FHIT: variants seen among roughly 807,000 people sequenced by gnomAD.
FHIT encodes the protein bis(5'-adenosyl)-triphosphatase.
FHIT carries 19 observed loss-of-function variants against 17.9 expected under a neutral mutation model. The observed-to-expected ratio is 1.06, with a 90% CI of 0.74 to 1.56. The LOEUF is 1.56. Among genes scored for constraint, FHIT ranks in the 40% most tolerant of loss-of-function variants. The pLI is 0.00. For synonymous variants in FHIT, 81 were observed against 69.7 expected (o/e 1.16, Z -0.81); for missense variants, 248 against 189.2 (o/e 1.31, Z -1.82).
chr3:59,980,686 C>A (rs1180974982), intron 7 of FHIT, among the ~76,000 whole-genome samples: 1 of 152,100 alleles, frequency 6.6e-6, no homozygotes, highest in Non-Finnish European at 1.5e-5. Context: ...CCACCACTGC[C>A]TCATCCCTTC....
chr3:61,196,370 G>A (rs1380382910), intron 2 of FHIT, among the ~76,000 whole-genome samples: 1 of 151,838 alleles, frequency 6.6e-6, no homozygotes, highest in East Asian at 1.9e-4. Flanking sequence ...GTACAATATG[G>A]TATTTCTTTA....
chr3:60,071,142 C>G (rs1702751340), intron 5 of FHIT, among the ~76,000 whole-genome samples: 1 of 152,098 alleles, frequency 6.6e-6, no homozygotes, highest in Admixed American at 6.6e-5. Flanking sequence ...TAGAGTAGAG[C>G]CACCAGCCAC....
chr3:61,057,105 A>G (rs2034251251), intron 2 of FHIT, among the ~76,000 whole-genome samples: 1 of 152,218 alleles, frequency 6.6e-6, no homozygotes, highest in Non-Finnish European at 1.5e-5. Flanking sequence ...CTTTGACATA[A>G]CAGACATCCC....
At chr3:60,707,396 G>A (rs1466735413) in intron 4 of FHIT, among the ~76,000 whole-genome samples, 7 of 152,286 alleles carry the variant, frequency 4.6e-5, no homozygotes, top group Non-Finnish European at 7.4e-5. Context: ...GTTTACACAT[G>A]GATAGAGATG....
At chr3:60,010,540 G>A (rs747891933) in intron 7 of FHIT, among the ~76,000 whole-genome samples, 7 of 152,148 alleles carry the variant, frequency 4.6e-5, no homozygotes, top group South Asian at 2.1e-4. Flanking sequence ...GCTAGTCTTC[G>A]AAGCATTAAA....
chr3:61,200,542 TTAAATCTC>T (rs1220322767), intron 2 of FHIT, 67 bp downstream of exon 2: 1 of 152,660 alleles, frequency 6.6e-6, no homozygotes, highest in Non-Finnish European at 1.5e-5. Flanking sequence ...GTCCAAGTGT[TTAAATCTC>T]TGAATAAAAG....
intron 4 of FHIT, among the ~76,000 whole-genome samples, chr3:60,649,917 G>A (rs1272880449): frequency 4.6e-5 from 7 of 152,136 alleles, no homozygotes; most frequent in African/African-American, 1.4e-4. Context: ...GGCTCTCACT[G>A]CACAAAGCAC....
intron 3 of FHIT, among the ~76,000 whole-genome samples, chr3:60,854,571 T>TTC (rs1553749359): frequency 1.3e-5 from 2 of 151,014 alleles, no homozygotes; most frequent in African/African-American, 4.9e-5. Flanking sequence ...TTTTTTTTTT[T>TTC]CCTCTGCTGT....
At chr3:60,812,125 C>T (rs1249139549) in intron 4 of FHIT, among the ~76,000 whole-genome samples, 7 of 151,838 alleles carry the variant, frequency 4.6e-5, no homozygotes, top group African/African-American at 1.7e-4. Context: ...GAAAAGTTGT[C>T]CATAAATTCC....
At chr3:61,086,042 T>G (rs2035295287) in intron 2 of FHIT, among the ~76,000 whole-genome samples, 1 of 152,190 alleles carries the variant, frequency 6.6e-6, no homozygotes, top group East Asian at 1.9e-4. Context: ...CATAATTATA[T>G]GTTCTGCAAA....
At chr3:60,120,859 C>T (rs1233502210) in intron 5 of FHIT, among the ~76,000 whole-genome samples, 3 of 133,626 alleles carry the variant, frequency 2.2e-5, no homozygotes, top group Non-Finnish European at 5.1e-5. Context: ...TTTTTTTCCA[C>T]CATTTGCTCA....
At chr3:61,168,297 C>T (rs1423388791) in intron 2 of FHIT, among the ~76,000 whole-genome samples, 1 of 152,120 alleles carries the variant, frequency 6.6e-6, no homozygotes, top group Non-Finnish European at 1.5e-5. Context: ...CTGTCTGGCC[C>T]TTTACAAAAG....
chr3:59,890,437 C>T (rs570168678), intron 8 of FHIT, among the ~76,000 whole-genome samples: 3 of 152,158 alleles, frequency 2.0e-5, no homozygotes, highest in African/African-American at 7.2e-5. Context: ...TCCTGCCTTA[C>T]TGAGGGCTTC....
chr3:60,210,305 A>G (rs1001000252), intron 5 of FHIT, among the ~76,000 whole-genome samples: 3 of 152,196 alleles, frequency 2.0e-5, no homozygotes, highest in Admixed American at 2.0e-4. Context: ...GATAAATTCC[A>G]AATGGATCAA....
chr3:60,755,735 T>C (rs1553718093), intron 4 of FHIT, among the ~76,000 whole-genome samples: 1 of 152,196 alleles, frequency 6.6e-6, no homozygotes, highest in African/African-American at 2.4e-5. Context: ...GCCTGAGATA[T>C]TTATATTTAG....
intron 5 of FHIT, among the ~76,000 whole-genome samples, chr3:60,452,487 T>A (rs570761352): frequency 1.3e-5 from 2 of 152,158 alleles, no homozygotes; most frequent in African/African-American, 4.8e-5. Flanking sequence ...TCAAAAGACA[T>A]TGGAATTTAC....
intron 5 of FHIT, among the ~76,000 whole-genome samples, chr3:60,456,677 T>A (rs1228175880): frequency 6.6e-6 from 1 of 152,192 alleles, no homozygotes; most frequent in African/African-American, 2.4e-5. Flanking sequence ...TAGAGAGGCT[T>A]CTTTTTTACT....
intron 5 of FHIT, among the ~76,000 whole-genome samples, chr3:60,411,302 T>C (rs908402447): frequency 6.6e-6 from 1 of 152,154 alleles, no homozygotes; most frequent in African/African-American, 2.4e-5. Flanking sequence ...TTATTTCAAC[T>C]TGGAAATTAA....
At chr3:59,772,580 TGCAG>T (rs1702122142) in intron 8 of FHIT, among the ~76,000 whole-genome samples, 1 of 152,120 alleles carries the variant, frequency 6.6e-6, no homozygotes, top group Admixed American at 6.5e-5. Context: ...GGGATGCAAA[TGCAG>T]GCAGGCTGGT....
Sources: gnomAD v4.1 joint callset for allele counts (sites outside exome capture counted in the v4.1 genomes callset) on GRCh38, gnomAD v4.1.1 for gene constraint, MANE v1.5 for transcripts, NCBI Gene and HGNC (gene_info 2026-07-23, HGNC 2026-07-21) for gene names.